Variants in TTC8 observed in about 807,000 individuals in gnomAD.
TTC8 encodes tetratricopeptide repeat domain 8.
A neutral mutation model predicts 72.5 loss-of-function variants in TTC8; 47 were observed. The observed-to-expected ratio is 0.65, with a 90% CI of 0.51 to 0.83. The LOEUF is 0.83. TTC8 is among the 40% of genes least tolerant of loss of function. The probability of loss-of-function intolerance (pLI) is 0.00; values close to 1 mark genes in which losing one functional copy is unlikely to be tolerated. For missense variants in TTC8, 611 were observed against 623.2 expected (o/e 0.98, Z 0.21); for synonymous variants, 199 against 221.4 (o/e 0.90, Z 0.90).
At chr14:88,876,481 A>G (rs2094957876) in intron 14 of TTC8, among the ~76,000 whole-genome samples, 2 of 152,190 alleles carry the variant, frequency 1.3e-5, no homozygotes, top group South Asian at 4.1e-4. Context: ...TTTATTGTAT[A>G]TCCCAAAATA....
intron 7 of TTC8, among the ~76,000 whole-genome samples, chr14:88,844,122 T>TA (rs1195972933): frequency 6.6e-6 from 1 of 152,192 alleles, no homozygotes; most frequent in Non-Finnish European, 1.5e-5. Flanking sequence ...ATGCTTGTGT[T>TA]AAAGTTATAG....
Position 88,871,666 on chromosome 14 carries a change from G to A in TTC8, c.1167G>A (p.Leu389=). 6.2e-7 allele frequency: 1 copy of A among 1,614,006 alleles called. No homozygotes were observed. Among genetic ancestry groups the A allele is most frequent in the Non-Finnish European group, 8.5e-7 (1 of 1,179,998 alleles). ...CCTCATTTGAACGTGCCCTTTCTTTGGCTGAAAATGAAGAAGAGGCAGCTG... is the reference window on the plus strand; with the variant it reads ...CCTCATTTGAACGTGCCCTTTCTTTAGCTGAAAATGAAGAAGAGGCAGCTG... ...TLTSFERALS[L]AENEEEAADV... The change falls in exon 12 of 15, where the codon TTG becomes TTA. Residue 389 remains leucine (L), a synonymous_variant. Transcript: ENST00000380656. This position sits in a 1 kb window ranked among gnomAD's most constrained non-coding sequence, Gnocchi z 4.1.
In TTC8 at chr14:88,841,421, G is replaced by C. The variant is rs759084991; in HGVS notation, c.490-4G>C. On this transcript the variant is annotated splice_region_variant and splice_polypyrimidine_tract_variant and intron_variant, in intron 5 of 14. Coordinates refer to ENST00000380656, the MANE Select transcript of TTC8 (RefSeq NM_144596.4). ...TCTCTTGGTCTATTGTTTTTCCTCT[G>C]TAGGCTTCCATGCTTACAAGTCCTG... 1.9e-6 allele frequency: 3 copies of C among 1,613,420 alleles called. No homozygotes were observed.
rs1276200907 is a variant in TTC8 at position 88,871,757 on chromosome 14, G to A, written c.1224+34G>A. ...TCTTACTGATATAATTTCTGTTATA[G>A]AAAGTTGGTTTGAGCCAGACACAGT... On this transcript the variant is annotated intron_variant, in intron 12 of 14. Coordinates refer to ENST00000380656, the MANE Select transcript of TTC8 (RefSeq NM_144596.4). The surrounding 1 kb of genome is among the most constrained non-coding windows in gnomAD (Gnocchi z 4.1). 8 of 1,613,342 alleles carry A rather than the reference G, an allele frequency of 5.0e-6. No individual in the cohort carries two copies. The highest frequency in any genetic ancestry group is 6.8e-6 in the Non-Finnish European group (8 of 1,179,594).
chr14:88,860,326 T>A (rs557269471), intron 9 of TTC8, among the ~76,000 whole-genome samples: 2 of 152,288 alleles, frequency 1.3e-5, no homozygotes, highest in Admixed American at 1.3e-4. Context: ...TGTCATAATC[T>A]TATGTTGCCA....
At chr14:88,847,401 C>T (rs1013794) in intron 7 of TTC8, among the ~76,000 whole-genome samples, 58,304 of 151,932 alleles carry the variant, frequency 0.38, 11,346 homozygotes, top group East Asian at 0.5. Context: ...ATGACTCAAA[C>T]ATATCTCATT....
chr14:88,837,039 C>T, intron 2 of TTC8: 1 of 272,216 alleles, frequency 3.7e-6, no homozygotes, highest in South Asian at 3.0e-5. Flanking sequence ...CCAGCTTGGG[C>T]AACAAGAGCA....
chr14:88,827,414 CCTTT>C, intron 1 of TTC8, among the ~76,000 whole-genome samples: 1 of 152,210 alleles, frequency 6.6e-6, no homozygotes, highest in East Asian at 1.9e-4. Context: ...ATATTCTTTT[CCTTT>C]CTAATAATTT....
intron 7 of TTC8, chr14:88,846,738 G>C: frequency 1.1e-6 from 1 of 941,232 alleles, no homozygotes; most frequent in Non-Finnish European, 1.5e-6. Context: ...TTAGCCGACT[G>C]TAATTTTTAC....
intron 1 of TTC8, among the ~76,000 whole-genome samples, chr14:88,825,991 AT>A (rs199750813): frequency 0.011 from 1,578 of 149,166 alleles, 31 homozygotes; most frequent in African/African-American, 0.036. Flanking sequence ...ATTTTTTTTT[AT>A]TTTTTTTTGA....
At chr14:88,873,270 A>G (rs184898137) in intron 13 of TTC8, among the ~76,000 whole-genome samples, 1 of 152,236 alleles carries the variant, frequency 6.6e-6, no homozygotes, top group African/African-American at 2.4e-5. Flanking sequence ...GTCTTCCTTT[A>G]GGGCCTTTGG....
rs776886643 is a variant in TTC8 at position 88,839,478 on chromosome 14, G to A, written c.171G>A (p.Ala57=). 4.1e-5 allele frequency: 66 copies of A among 1,612,816 alleles called. No homozygotes were observed. The Admixed American group carries it at 5.8e-4, about 14-fold the overall frequency. Residue 57 remains alanine, a synonymous_variant, in exon 3 of 15, where the codon GCG becomes GCA. Transcript: ENST00000380656. ...CAGCTTGGATCTTAAAAGCAAGAGC[G>A]CTAACAGAAATGGTATACATAGATG... is the stretch of plus-strand genomic sequence containing the variant. ...HQAAWILKAR[A]LTEMVYIDEI...
intron 7 of TTC8, chr14:88,846,779 A>G (rs995092353): frequency 3.4e-6 from 2 of 581,264 alleles, no homozygotes; most frequent in Admixed American, 8.1e-5. Context: ...TTCTTCATGC[A>G]TATGAACTTA....
intron 6 of TTC8, 23 bp downstream of exon 6, chr14:88,841,537 A>G: frequency 1.3e-6 from 2 of 1,558,296 alleles, no homozygotes; most frequent in Non-Finnish European, 1.8e-6. Flanking sequence ...AATGATTTTG[A>G]GTTATGAAGT....
chr14:88,877,524 C>A lies in TTC8; in HGVS notation c.*114C>A. 1 of 863,354 alleles carries A rather than the reference C, an allele frequency of 1.2e-6. No individual in the cohort carries two copies. The highest frequency in any genetic ancestry group is 2.0e-6 in the Non-Finnish European group (1 of 508,932). The allele number at this position is 863,354 out of a possible 1,614,324, so 53.5% of individuals were successfully genotyped here. On this transcript the variant is annotated 3_prime_UTR_variant, in exon 15 of 15. Transcript: ENST00000380656. Reference sequence around the variant, plus strand: ...ATACGTATATTTTAACAAACCTGTCCTTGATATTAGTTAAGGTGACACATA... The same window carrying A: ...ATACGTATATTTTAACAAACCTGTCATTGATATTAGTTAAGGTGACACATA...
intron 11 of TTC8, among the ~76,000 whole-genome samples, chr14:88,870,474 G>A (rs1438511766): frequency 6.6e-6 from 1 of 152,196 alleles, no homozygotes; most frequent in Non-Finnish European, 1.5e-5. Context: ...CAACCAATAA[G>A]TTGAATAGTT....
Position 88,841,067 on chromosome 14 carries a change from A to G in TTC8, c.360A>G (p.Thr120=), listed in dbSNP as rs2094778573. 6.2e-7 allele frequency: 1 copy of G among 1,614,038 alleles called. No individual in the cohort carries two copies. Among genetic ancestry groups the G allele is most frequent in the Non-Finnish European group, 8.5e-7 (1 of 1,180,020 alleles). The change falls in exon 5 of 15, where the codon ACA becomes ACG. Residue 120 remains threonine (T), a synonymous_variant. Coordinates refer to ENST00000380656, the MANE Select transcript of TTC8 (RefSeq NM_144596.4). ...TCACACAAGCTGGAAGACCCATTACAGGTTTCCTCAGGCCCAGCACGCAGA... is the reference window on the plus strand; with the variant it reads ...TCACACAAGCTGGAAGACCCATTACGGGTTTCCTCAGGCCCAGCACGCAGA... ...RPITQAGRPI[T]GFLRPSTQSG... is the part of the protein sequence containing the mutation.
intron 1 of TTC8, 109 bp downstream of exon 1, chr14:88,824,930 C>T: frequency 9.0e-7 from 1 of 1,109,926 alleles, no homozygotes; most frequent in Non-Finnish European, 1.3e-6. Flanking sequence ...CGAGGCGGGG[C>T]TGACCGTTCG....
chr14:88,860,246 C>A (rs886607657), intron 9 of TTC8, among the ~76,000 whole-genome samples: 1 of 151,784 alleles, frequency 6.6e-6, no homozygotes, highest in Non-Finnish European at 1.5e-5. Context: ...TCTATTGTAT[C>A]CCTTTGGATT....
Sources: allele counts gnomAD v4.1 joint callset (sites outside exome capture counted in the v4.1 genomes callset), GRCh38; gene constraint gnomAD v4.1.1; non-coding constraint Gnocchi (gnomAD v3.1); transcripts MANE v1.5; gene names NCBI Gene and HGNC (gene_info 2026-07-23, HGNC 2026-07-21).